SPIRE2: variants seen among roughly 807,000 people sequenced by gnomAD.
SPIRE2 encodes the protein protein spire homolog 2.
A neutral mutation model predicts 80.7 loss-of-function variants in SPIRE2; 76 were observed. The ratio of observed to expected loss-of-function variants is 0.94; its 90% CI spans 0.78 to 1.14. The LOEUF (loss-of-function observed/expected upper bound fraction) is 1.14. Ranked by LOEUF, SPIRE2 falls within the 50% of genes most tolerant of loss-of-function variation. The probability of loss-of-function intolerance (pLI) is 0.00; values close to 1 mark genes in which losing one functional copy is unlikely to be tolerated. For missense variants in SPIRE2, 1,196 were observed against 1,015.3 expected (o/e 1.18, Z -2.42); for synonymous variants, 535 against 432.6 (o/e 1.24, Z -2.94).
At chr16:89,853,331 C>G (rs1169097870) in intron 3 of SPIRE2, among the ~76,000 whole-genome samples, 3 of 152,116 alleles carry the variant, frequency 2.0e-5, no homozygotes, top group African/African-American at 7.2e-5. Flanking sequence ...GAGGAAACGG[C>G]TCTGTATGCA....
chr16:89,840,289 G>T (rs1047226932), intron 1 of SPIRE2, among the ~76,000 whole-genome samples: 2 of 135,964 alleles, frequency 1.5e-5, no homozygotes, highest in Admixed American at 8.5e-5. Context: ...TCGCTCTGTC[G>T]TCCAGGCTGG....
At chr16:89,850,061 CT>C in intron 2 of SPIRE2, 1 of 637,856 alleles carries the variant, frequency 1.6e-6, no homozygotes. Flanking sequence ...TGGTCTTGAA[CT>C]CCTGACCTCG....
intron 6 of SPIRE2, 112 bp downstream of exon 6, chr16:89,855,798 C>G (rs2041685042): frequency 8.9e-7 from 1 of 1,117,624 alleles, no homozygotes; most frequent in Non-Finnish European, 1.3e-6. Flanking sequence ...GGGAGGTGTC[C>G]CAGTGCGTCT....
In SPIRE2 at chr16:89,850,311, A is replaced by G. The variant is rs1228624707; in HGVS notation, c.296A>G (p.Gln99Arg). 2.5e-6 allele frequency: 4 copies of G among 1,603,106 alleles called. No individual in the cohort carries two copies. Among genetic ancestry groups the G allele is most frequent in the Non-Finnish European group, 8.5e-7 (1 of 1,177,672 alleles). Reference sequence around the variant, plus strand: ...CGCGCCCCTGTCCCGCAGACCGTGCAGTCCCTCGGCTTCGCCATCTACCGC... The same window carrying G: ...CGCGCCCCTGTCCCGCAGACCGTGCGGTCCCTCGGCTTCGCCATCTACCGC... The part of the protein sequence containing the change: ...PLASSEAQTV[Q>R]SLGFAIYRAL... Residue 99 changes from glutamine to arginine, a missense_variant, in exon 3 of 15, where the codon CAG (glutamine) becomes CGG (arginine). Physicochemically the swap from Gln to Arg is conservative, Grantham distance 43 (BLOSUM62 1). Transcript: ENST00000378247.
intron 12 of SPIRE2, among the ~76,000 whole-genome samples, chr16:89,867,730 G>T (rs1365876577): frequency 6.6e-6 from 1 of 151,974 alleles, no homozygotes; most frequent in Non-Finnish European, 1.5e-5. Flanking sequence ...GATTACAGGT[G>T]CCTGCTGCCA....
intron 6 of SPIRE2, 47 bp from the exon 7 acceptor site, chr16:89,856,066 A>G (rs990029688): frequency 1.3e-6 from 2 of 1,585,500 alleles, no homozygotes; most frequent in Non-Finnish European, 1.7e-6. Context: ...CCGCTTCCCC[A>G]CCGCAGGTCC....
At chr16:89,869,924 C>A in intron 14 of SPIRE2, 126 bp from the exon 15 acceptor site, 1 of 821,862 alleles carries the variant, frequency 1.2e-6, no homozygotes, top group Non-Finnish European at 1.9e-6. Context: ...GTGTTTGTTG[C>A]CTGAGGGCCA....
At chr16:89,829,747 T>G (rs936379274) in intron 1 of SPIRE2, among the ~76,000 whole-genome samples, 1 of 141,452 alleles carries the variant, frequency 7.1e-6, no homozygotes, top group African/African-American at 2.5e-5. Context: ...CTCCTGCCAT[T>G]TGCAGTATCC....
chr16:89,860,759 GGCCTCCATGACCCCCGAT>G lies in SPIRE2; in HGVS notation c.1543_1560del (p.Ser515_Ala520del), dbSNP rs1363682211. 6.4e-7 allele frequency: 1 copy of G among 1,569,738 alleles called. No individual in the cohort carries two copies. Among genetic ancestry groups the G allele is most frequent in the East Asian group, 2.4e-5 (1 of 42,542 alleles). On this transcript the variant is annotated inframe_deletion, in exon 10 of 15. Transcript: ENST00000378247. ...GGGGCTCCTCGGGGGACAGACCCGA[GGCCTCCATGACCCCCGAT>G]GCCAAACACCTGTGGCTGGTGAGTG...
At chr16:89,857,859 C>T (rs1163532836) in intron 7 of SPIRE2, among the ~76,000 whole-genome samples, 38 of 149,492 alleles carry the variant, frequency 2.5e-4, no homozygotes, top group African/African-American at 9.1e-4. Context: ...CGTGAGCCAC[C>T]GCACCCAGCC....
intron 1 of SPIRE2, among the ~76,000 whole-genome samples, chr16:89,829,069 C>G (rs1346418780): frequency 6.6e-6 from 1 of 152,250 alleles, no homozygotes; most frequent in Non-Finnish European, 1.5e-5. Flanking sequence ...GCGGAGCGGG[C>G]TGCTCCCCAG....
intron 1 of SPIRE2, among the ~76,000 whole-genome samples, chr16:89,833,246 C>T (rs186238434): frequency 3.6e-4 from 54 of 152,008 alleles, no homozygotes; most frequent in African/African-American, 1.2e-3. Flanking sequence ...GCCTTGGCCT[C>T]CGAAAGTGCT....
chr16:89,868,116 G>A (rs377006216), intron 12 of SPIRE2, 73 bp from the exon 13 acceptor site: 71 of 1,555,974 alleles, frequency 4.6e-5, no homozygotes, highest in African/African-American at 4.3e-4. Flanking sequence ...CGTGGAGGCC[G>A]GGATGCGACT....
chr16:89,832,864 C>G (rs2041399969), intron 1 of SPIRE2, among the ~76,000 whole-genome samples: 1 of 152,018 alleles, frequency 6.6e-6, no homozygotes, highest in Non-Finnish European at 1.5e-5. Flanking sequence ...TCTTATTGCC[C>G]AGGCTGGAGT....
intron 10 of SPIRE2, chr16:89,862,084 A>C (rs1452872266): frequency 6.6e-6 from 1 of 151,450 alleles, no homozygotes; most frequent in Non-Finnish European, 1.5e-5. Context: ...GCTCACTGCA[A>C]GCTCCGCCTC....
At chr16:89,833,848 G>T (rs1388339778) in intron 1 of SPIRE2, among the ~76,000 whole-genome samples, 1 of 152,182 alleles carries the variant, frequency 6.6e-6, no homozygotes, top group African/African-American at 2.4e-5. Flanking sequence ...CCTCCGGGGC[G>T]TGTTTCCCTG....
chr16:89,867,266 C>T (rs1187492390), intron 12 of SPIRE2, among the ~76,000 whole-genome samples: 1 of 151,828 alleles, frequency 6.6e-6, no homozygotes, highest in African/African-American at 2.4e-5. Context: ...GCCTCAGCCT[C>T]CCGAGTAGCT....
intron 1 of SPIRE2, among the ~76,000 whole-genome samples, chr16:89,833,123 C>G (rs1246204677): frequency 6.6e-6 from 1 of 152,030 alleles, no homozygotes; most frequent in Non-Finnish European, 1.5e-5. Flanking sequence ...TCCGGAGTAG[C>G]TGGGATTACA....
chr16:89,859,429 C>T (rs1290213272), intron 9 of SPIRE2, 75 bp downstream of exon 9: 6 of 966,628 alleles, frequency 6.2e-6, no homozygotes, highest in Non-Finnish European at 8.4e-6. Context: ...ATCCCTCCAC[C>T]TCAGCCCACA....
Sources: allele counts gnomAD v4.1 joint callset (sites outside exome capture counted in the v4.1 genomes callset), GRCh38; gene constraint gnomAD v4.1.1; transcripts MANE v1.5; gene names NCBI Gene and HGNC (gene_info 2026-07-23, HGNC 2026-07-21).